The following LAMA3 variants were observed in gnomAD, a reference collection of about 807,000 sequenced individuals.
LAMA3 encodes laminin subunit alpha-3.
In LAMA3, 281 loss-of-function variants were observed where a neutral mutation model predicts 402.0. The observed-to-expected ratio is 0.70, with a 90% CI of 0.63 to 0.77. The LOEUF (loss-of-function observed/expected upper bound fraction) is 0.77. Ranked by LOEUF, LAMA3 falls within the 30% of genes least tolerant of loss-of-function variation. The pLI, the probability that LAMA3 is intolerant of heterozygous loss-of-function variation, is 0.00. For missense variants in LAMA3, 3,840 were observed against 4,215.5 expected (o/e 0.91, Z 2.47); for synonymous variants, 1,431 against 1,558.4 (o/e 0.92, Z 1.93).
rs147912032 is a variant in LAMA3, at chr18:23,904,628, C to T, written c.6549C>T (p.Leu2183=). 42 of 1,613,712 alleles carry T rather than the reference C, an allele frequency of 2.6e-5. No homozygotes were observed. Among genetic ancestry groups the T allele is most frequent in the Non-Finnish European group, 3.6e-5 (42 of 1,179,966 alleles). The part of the protein sequence containing the change: ...VDAATAYENI[L]NAIKAAEDAA... The stretch of plus-strand genomic sequence containing the variant: ...CCGCCACCGCCTACGAGAACATCCT[C>T]AATGCCATCAAAGCGGCCGAGGACG... The change falls in exon 51 of 75, where the codon CTC becomes CTT. Residue 2183 remains leucine, a synonymous_variant. Transcript: ENST00000313654.
At chr18:23,705,650 A>T (rs2060875515) in intron 1 of LAMA3, among the ~76,000 whole-genome samples, 1 of 152,030 alleles carries the variant, frequency 6.6e-6, no homozygotes, top group Non-Finnish European at 1.5e-5. Context: ...TCAGCTTCCC[A>T]AGTAGCTGGG....
intron 2 of LAMA3, among the ~76,000 whole-genome samples, chr18:23,720,951 G>A (rs771676961): frequency 1.3e-5 from 2 of 152,052 alleles, no homozygotes; most frequent in Non-Finnish European, 2.9e-5. Context: ...GAGGCCAGGA[G>A]TTCAAGATCA....
chr18:23,901,696 A>G (rs2081076305), intron 48 of LAMA3, among the ~76,000 whole-genome samples: 3 of 151,882 alleles, frequency 2.0e-5, no homozygotes, highest in Admixed American at 2.0e-4. Context: ...TATACTTTTT[A>G]ATGAACATAA....
chr18:23,919,510 G>C (rs776951857), intron 60 of LAMA3, among the ~76,000 whole-genome samples: 2 of 152,232 alleles, frequency 1.3e-5, no homozygotes, highest in Non-Finnish European at 2.9e-5. Context: ...CATCACAACT[G>C]TGAAGAGCTG....
chr18:23,941,852 C>G (rs1301476103), intron 68 of LAMA3, among the ~76,000 whole-genome samples: 1 of 152,172 alleles, frequency 6.6e-6, no homozygotes, highest in Non-Finnish European at 1.5e-5. Flanking sequence ...ACCAGGCCCA[C>G]ATATGGAAAG....
In LAMA3 at chr18:23,864,722, G is replaced by A. The variant is rs546381523; in HGVS notation, c.4585-63G>A. 93 of 1,055,584 alleles carry A rather than the reference G, an allele frequency of 8.8e-5. 1 individual carries two copies. The highest frequency in any genetic ancestry group is 5.5e-4 in the Admixed American group (32 of 58,648). 65.4% of individuals were successfully genotyped at this position (1,055,584 alleles called of 1,614,324 possible). Reference sequence around the variant, plus strand: ...TTGTGTGCCTAAGTGCTTTTCATGCGGGTTGATGTTGACATCATCTCTTTT... The same window carrying A: ...TTGTGTGCCTAAGTGCTTTTCATGCAGGTTGATGTTGACATCATCTCTTTT... On this transcript the variant is annotated intron_variant, in intron 35 of 74. Coordinates refer to ENST00000313654, the MANE Select transcript of LAMA3 (RefSeq NM_198129.4).
intron 13 of LAMA3, among the ~76,000 whole-genome samples, chr18:23,812,425 A>G (rs1043330005): frequency 6.6e-6 from 1 of 152,210 alleles, no homozygotes; most frequent in African/African-American, 2.4e-5. Context: ...AGGGTTAAGG[A>G]ACAATTTATA....
intron 72 of LAMA3, 130 bp from the exon 73 acceptor site, chr18:23,951,554 G>C: frequency 1.4e-6 from 1 of 704,960 alleles, no homozygotes; most frequent in Non-Finnish European, 2.6e-6. Flanking sequence ...TGCTTCAAAA[G>C]CGGAGGAGGG....
rs950946927 is a variant in LAMA3, at chr18:23,928,853, G to A, written c.8436+88G>A. 5 of 1,266,648 alleles carry A rather than the reference G, an allele frequency of 3.9e-6. No individual in the cohort carries two copies. In the South Asian group the frequency reaches 6.0e-5, roughly 15 times the overall value. The allele number at this position is 1,266,648 out of a possible 1,614,324, so 78.5% of individuals were successfully genotyped here. ...ACAACAGAGAGATTTAGAAAGTGGT[G>A]GAGTTGTACATTTTTTCTATCATCA... is the stretch of plus-strand genomic sequence containing the variant. On this transcript the variant is annotated intron_variant, in intron 64 of 74. Coordinates refer to ENST00000313654, the MANE Select transcript of LAMA3 (RefSeq NM_198129.4).
At chr18:23,755,947 C>G (rs1250941456) in intron 6 of LAMA3, among the ~76,000 whole-genome samples, 1 of 152,212 alleles carries the variant, frequency 6.6e-6, no homozygotes, top group African/African-American at 2.4e-5. Context: ...CAATGGGACT[C>G]AGATGGGTAC....
At chr18:23,726,720 C>T (rs913467520) in intron 2 of LAMA3, among the ~76,000 whole-genome samples, 5 of 152,250 alleles carry the variant, frequency 3.3e-5, no homozygotes, top group Non-Finnish European at 5.9e-5. Flanking sequence ...CAGGTTCAAG[C>T]GATTCCCGTG....
intron 58 of LAMA3, 115 bp downstream of exon 58, chr18:23,914,975 T>TA: frequency 1.1e-6 from 1 of 883,588 alleles, no homozygotes; most frequent in South Asian, 1.5e-5. Context: ...CGCACATTCT[T>TA]ACAGCACATT....
intron 47 of LAMA3, 85 bp downstream of exon 47, chr18:23,899,540 T>TATAACGGGGAACTC: frequency 1.5e-6 from 2 of 1,363,470 alleles, no homozygotes; most frequent in Non-Finnish European, 2.1e-6. Context: ...GAGTTCCCCG[T>TATAACGGGGAACTC]TATAGGTGGA....
At chr18:23,953,320 A>ATTTTGTTTTTT (rs2082986796) in intron 74 of LAMA3, among the ~76,000 whole-genome samples, 2 of 108,948 alleles carry the variant, frequency 1.8e-5, no homozygotes, top group Non-Finnish European at 1.8e-5. Flanking sequence ...CAAGCCTGTA[A>ATTTTGTTTTTT]TTTTGTTTTT....
At chr18:23,698,508 C>T (rs1332188190) in intron 1 of LAMA3, among the ~76,000 whole-genome samples, 2 of 152,196 alleles carry the variant, frequency 1.3e-5, no homozygotes, top group Non-Finnish European at 2.9e-5. Flanking sequence ...CCCCACCTCT[C>T]TTCTTTTTTA....
intron 12 of LAMA3, among the ~76,000 whole-genome samples, chr18:23,792,030 C>A (rs1311685142): frequency 6.6e-6 from 1 of 152,072 alleles, no homozygotes; most frequent in Non-Finnish European, 1.5e-5. Context: ...TGTCCAGAGG[C>A]CTATTTTATG....
At chr18:23,832,420 G>A (rs769253471) in intron 23 of LAMA3, among the ~76,000 whole-genome samples, 25 of 152,266 alleles carry the variant, frequency 1.6e-4, no homozygotes, top group Non-Finnish European at 3.1e-4. Flanking sequence ...TAGCAGTTAC[G>A]TGGTTCAGAG....
Position 23,748,057 on chromosome 18 carries a change from G to GTAAGTAAT in LAMA3, c.562_563insTAAGTAAT (p.Ala188ValfsTer8), listed in dbSNP as rs1465543716. On this transcript the variant is annotated frameshift_variant, in exon 3 of 75. Coordinates refer to ENST00000313654, the MANE Select transcript of LAMA3 (RefSeq NM_198129.4). LOFTEE classifies it high-confidence loss of function. ...CACCTACTCACCATGGCAATATTTT[G>GTAAGTAAT]CTCGTAAGTAATCTTGCCTACCATG... The GTAAGTAAT allele has an allele frequency of 3.8e-5, 58 of 1,544,750 alleles. No homozygotes were observed. The highest frequency in any genetic ancestry group is 5.1e-5 in the Non-Finnish European group (57 of 1,116,796).
intron 34 of LAMA3, among the ~76,000 whole-genome samples, chr18:23,859,701 C>A (rs1287675650): frequency 6.6e-6 from 1 of 152,170 alleles, no homozygotes; most frequent in Non-Finnish European, 1.5e-5. Context: ...TGTTTACCCA[C>A]CCAGGAGCTC....
Sources: gnomAD v4.1 joint callset for allele counts (sites outside exome capture counted in the v4.1 genomes callset) on GRCh38, gnomAD v4.1.1 for gene constraint, MANE v1.5 for transcripts, NCBI Gene and HGNC (gene_info 2026-07-23, HGNC 2026-07-21) for gene names.